Variants in SLC25A26 observed in about 807,000 individuals in gnomAD.
SLC25A26 encodes the protein mitochondrial S-adenosylmethionine carrier protein.
SLC25A26 carries 36 observed loss-of-function variants against 37.8 expected under a neutral mutation model. That is an observed-to-expected ratio of 0.95 (90% CI 0.73 to 1.26). The LOEUF is 1.26. Among genes scored for constraint, SLC25A26 ranks in the 50% most tolerant of loss-of-function variants. The probability of loss-of-function intolerance (pLI) is 0.00; values close to 1 mark genes in which losing one functional copy is unlikely to be tolerated. For missense variants in SLC25A26, 390 were observed against 331.1 expected (o/e 1.18, Z -1.38); for synonymous variants, 129 against 122.5 (o/e 1.05, Z -0.35).
At chr3:66,328,569 A>T (rs1404073100) in intron 5 of SLC25A26, among the ~76,000 whole-genome samples, 1 of 152,166 alleles carries the variant, frequency 6.6e-6, no homozygotes. Context: ...ATTTAACAGT[A>T]CCTCCATTCA....
At chr3:66,347,031 A>G (rs984422780) in intron 6 of SLC25A26, among the ~76,000 whole-genome samples, 25 of 152,026 alleles carry the variant, frequency 1.6e-4, no homozygotes, top group African/African-American at 6.0e-4. Context: ...AAAAAAAACA[A>G]CATGTTTTAA....
intron 1 of SLC25A26, among the ~76,000 whole-genome samples, chr3:66,183,333 A>T (rs1411755162): frequency 6.6e-6 from 1 of 151,970 alleles, no homozygotes; most frequent in African/African-American, 2.4e-5. Flanking sequence ...CCAGACTCTG[A>T]CCCTGACATG....
chr3:66,356,628 T>TTTA (rs1337723898), intron 6 of SLC25A26, among the ~76,000 whole-genome samples: 1 of 152,088 alleles, frequency 6.6e-6, no homozygotes, highest in African/African-American at 2.4e-5. Context: ...ATGTGGGAAC[T>TTTA]TTATTATTAT....
chr3:66,349,240 T>A (rs2076395780), intron 6 of SLC25A26, among the ~76,000 whole-genome samples: 1 of 152,164 alleles, frequency 6.6e-6, no homozygotes, highest in African/African-American at 2.4e-5. Flanking sequence ...TTCTGTCAAG[T>A]CGTTTCTTGA....
chr3:66,313,079 C>G (rs1423269118), intron 5 of SLC25A26, among the ~76,000 whole-genome samples: 2 of 152,136 alleles, frequency 1.3e-5, no homozygotes, highest in African/African-American at 4.8e-5. Flanking sequence ...TGTAGGTTGC[C>G]TGTTTGCTCT....
At chr3:66,184,429 A>T (rs2070775862) in intron 1 of SLC25A26, among the ~76,000 whole-genome samples, 1 of 151,952 alleles carries the variant, frequency 6.6e-6, no homozygotes, top group Admixed American at 6.6e-5. Flanking sequence ...AACCTGACCC[A>T]AATTCTGACC....
intron 2 of SLC25A26, among the ~76,000 whole-genome samples, chr3:66,240,403 C>T (rs1001663683): frequency 1.6e-4 from 25 of 152,136 alleles, no homozygotes; most frequent in Non-Finnish European, 2.9e-4. Context: ...GATCCTCCCA[C>T]CTCAGTCCCA....
intron 1 of SLC25A26, among the ~76,000 whole-genome samples, chr3:66,148,901 A>T (rs1034234354): frequency 6.6e-6 from 1 of 152,198 alleles, no homozygotes; most frequent in Non-Finnish European, 1.5e-5. Flanking sequence ...TTCTCAACAT[A>T]GGAGCATTAG....
At chr3:66,299,382 G>A (rs1391436425) in intron 5 of SLC25A26, among the ~76,000 whole-genome samples, 7 of 152,070 alleles carry the variant, frequency 4.6e-5, no homozygotes. Context: ...TAGAGACTGG[G>A]TTTTGCTGTG....
At chr3:66,257,490 C>T (rs1337490869) in intron 3 of SLC25A26, among the ~76,000 whole-genome samples, 1 of 152,088 alleles carries the variant, frequency 6.6e-6, no homozygotes, top group African/African-American at 2.4e-5. Context: ...GAGCCCTGAA[C>T]CAAAGATCCA....
intron 5 of SLC25A26, among the ~76,000 whole-genome samples, chr3:66,331,726 T>C (rs7651232): frequency 0.18 from 27,125 of 152,080 alleles, 4,535 homozygotes; most frequent in African/African-American, 0.45. Context: ...TTAATGGTGA[T>C]CTTTTCTTTC....
intron 6 of SLC25A26, among the ~76,000 whole-genome samples, chr3:66,359,385 T>C (rs537031850): frequency 6.6e-6 from 1 of 152,362 alleles, no homozygotes; most frequent in East Asian, 1.9e-4. Context: ...AGTTGTTGAA[T>C]TTATGACTTG....
chr3:66,300,688 G>GA (rs1159433136), intron 5 of SLC25A26, among the ~76,000 whole-genome samples: 2 of 151,746 alleles, frequency 1.3e-5, no homozygotes, highest in Non-Finnish European at 2.9e-5. Context: ...TTTGCTTCAT[G>GA]AAAAAAAGTT....
At position 66,376,362 on chromosome 3, in the gene SLC25A26, T is replaced by C. The variant is rs556452450; in HGVS notation, c.708-1328T>C. On this transcript the variant is annotated intron_variant, in intron 9 of 9. Coordinates refer to ENST00000354883, the MANE Select transcript of SLC25A26 (RefSeq NM_001379210.1). ...AAATGTATTGTGTGCTACAGAGAAA[T>C]CTTTCATGAAAAGAAGAGTCCATCA... Among the ~76,000 whole-genome samples, 38 of 152,190 alleles carry C rather than the reference T, an allele frequency of 2.5e-4. 1 individual carries two copies. The South Asian group carries it at 7.9e-3, about 32-fold the overall frequency.
intron 1 of SLC25A26, among the ~76,000 whole-genome samples, chr3:66,185,830 C>A (rs2070816082): frequency 6.6e-6 from 1 of 152,076 alleles, no homozygotes; most frequent in Non-Finnish European, 1.5e-5. Context: ...CTGAAATTAA[C>A]CCCTACCCTG....
chr3:66,199,203 A>T (rs1576633635), intron 1 of SLC25A26, among the ~76,000 whole-genome samples: 1 of 151,642 alleles, frequency 6.6e-6, no homozygotes, highest in Non-Finnish European at 1.5e-5. Flanking sequence ...GCTGACTCTG[A>T]CCCTGACACT....
intron 6 of SLC25A26, chr3:66,356,219 A>G: frequency 2.6e-6 from 1 of 379,720 alleles, no homozygotes; most frequent in Non-Finnish European, 5.1e-6. Context: ...AATAGAAGAC[A>G]CTTGGTCTGG....
At chr3:66,239,377 T>A (rs782223566) in intron 2 of SLC25A26, among the ~76,000 whole-genome samples, 2 of 152,148 alleles carry the variant, frequency 1.3e-5, no homozygotes, top group Non-Finnish European at 2.9e-5. Context: ...ATGTCCTTGG[T>A]GACATTTTTC....
At chr3:66,358,285 G>T (rs373491356) in intron 6 of SLC25A26, among the ~76,000 whole-genome samples, 4 of 152,036 alleles carry the variant, frequency 2.6e-5, no homozygotes, top group South Asian at 2.1e-4. Context: ...TGAGTTTAAG[G>T]TTGCACTCAA....
Sources: allele counts gnomAD v4.1 joint callset (sites outside exome capture counted in the v4.1 genomes callset), GRCh38; gene constraint gnomAD v4.1.1; transcripts MANE v1.5; gene names NCBI Gene and HGNC (gene_info 2026-07-23, HGNC 2026-07-21).